Variants in BCL11A observed in about 807,000 individuals in gnomAD.
BCL11A encodes BCL11 transcription factor A.
In BCL11A, 2 loss-of-function variants were observed where a neutral mutation model predicts 55.9. The ratio of observed to expected loss-of-function variants is 0.04; its 90% confidence interval spans 0.01 to 0.11. BCL11A has a LOEUF of 0.11. Ranked by LOEUF, BCL11A falls within the 10% of genes least tolerant of loss-of-function variation. The probability of loss-of-function intolerance (pLI) is 1.00; values close to 1 mark genes in which losing one functional copy is unlikely to be tolerated. For synonymous variants in BCL11A, 465 were observed against 473.4 expected (o/e 0.98, Z 0.23); for missense variants, 817 against 1,137.1 (o/e 0.72, Z 4.05).
At chr2:60,478,542 C>G (rs1316520732) in intron 2 of BCL11A, among the ~76,000 whole-genome samples, 2 of 152,188 alleles carry the variant, frequency 1.3e-5, no homozygotes, top group Non-Finnish European at 2.9e-5. Context: ...CAGTCTTGGC[C>G]AAGAGATTCT....
chr2:60,498,235 C>T lies in BCL11A; in HGVS notation c.386-29402G>A, dbSNP rs1445139199. On this transcript the variant is annotated intron_variant, in intron 2 of 3. Coordinates refer to ENST00000642384, the MANE Select transcript of BCL11A (RefSeq NM_022893.4). ...AGCAGCCCTGGGCACAGAAGTGGTG[C>T]GTGGAGATAATGCCAACAGTGATAA... Among the ~76,000 whole-genome samples, 3 of 151,668 alleles carry T rather than the reference C, an allele frequency of 2.0e-5. No individual in the cohort carries two copies. In the East Asian group the frequency reaches 5.8e-4, roughly 29 times the overall value.
chr2:60,543,615 A>T (rs990957499), intron 2 of BCL11A: 5 of 152,238 alleles, frequency 3.3e-5, no homozygotes, highest in Non-Finnish European at 5.9e-5. Flanking sequence ...TTAATTCATT[A>T]CTGTGAATTA....
chr2:60,452,905 C>T, downstream of BCL11A: 1 of 451,788 alleles, frequency 2.2e-6, no homozygotes, highest in Non-Finnish European at 4.0e-6. Context: ...GACCCAGGTC[C>T]CCCCACCCCT....
At chr2:60,467,348 ATGG>A (rs1237699621) in intron 3 of BCL11A, among the ~76,000 whole-genome samples, 1 of 25,794 alleles carries the variant, frequency 3.9e-5, no homozygotes, top group Non-Finnish European at 8.3e-5. Flanking sequence ...GGTGGTGGTA[ATGG>A]TGGTGGTGGT....
At chr2:60,525,280 T>C (rs1669155464) in intron 2 of BCL11A, 1 of 152,192 alleles carries the variant, frequency 6.6e-6, no homozygotes, top group South Asian at 2.1e-4. Flanking sequence ...TTGGAGAAAA[T>C]ACACATTACA....
intron 2 of BCL11A, among the ~76,000 whole-genome samples, chr2:60,501,430 G>C (rs552540562): frequency 1.3e-5 from 2 of 151,722 alleles, no homozygotes; most frequent in Non-Finnish European, 2.9e-5. Flanking sequence ...ACTTTACCTG[G>C]TTTGTAAGTT....
chr2:60,461,359 C>A lies in BCL11A; in HGVS notation c.1553G>T (p.Ser518Ile). The change falls in exon 4 of 4, where the codon AGC becomes ATC. Residue 518 changes from serine (S) to isoleucine (I), a missense_variant. By Grantham distance (142) the Ser-to-Ile change is moderately radical. Coordinates refer to ENST00000642384, the MANE Select transcript of BCL11A (RefSeq NM_022893.4). ...SERVDYGFGL[S>I]LEAARHHENS... ...CTCGTGGTGGCGCGCCGCCTCCAGG[C>A]TCAGCCCGAAGCCGTAGTCCACCCT... is the stretch of plus-strand genomic sequence containing the variant. 1 of 1,605,360 alleles carries A rather than the reference C, an allele frequency of 6.2e-7. No individual in the cohort carries two copies.
At chr2:60,454,353 A>T (rs949790606), downstream of BCL11A, among the ~76,000 whole-genome samples, 3 of 152,202 alleles carry the variant, frequency 2.0e-5, no homozygotes, top group African/African-American at 7.2e-5. Flanking sequence ...CATGCCTTTT[A>T]AAAGTTAGCA....
At chr2:60,482,370 G>C (rs1244914428) in intron 2 of BCL11A, among the ~76,000 whole-genome samples, 1 of 152,142 alleles carries the variant, frequency 6.6e-6, no homozygotes, top group Non-Finnish European at 1.5e-5. Context: ...CTGGAGAAAA[G>C]TGAGAAATGG....
Position 60,501,837 on chromosome 2 carries a change from T to C in BCL11A, c.386-33004A>G, listed in dbSNP as rs573420965. 1.6e-3 allele frequency among the ~76,000 whole-genome samples: 238 copies of C among 152,318 alleles called. 1 individual carries two copies. Among genetic ancestry groups the C allele is most frequent in the Non-Finnish European group, 2.6e-3 (175 of 68,038 alleles). ...TGCTTTCTTAATTACAGCAGTGTGC[T>C]CATCTCACATAAAAATTTAAGACGG... On this transcript the variant is annotated intron_variant, in intron 2 of 3. Transcript: ENST00000642384.
In BCL11A at chr2:60,546,465, G is replaced by A; in HGVS notation, c.56-165C>T. 3.1e-6 allele frequency: 2 copies of A among 649,684 alleles called. No homozygotes were observed. The highest frequency in any genetic ancestry group is 5.2e-6 in the Non-Finnish European group (2 of 383,486). 40.2% of individuals were successfully genotyped at this position (649,684 alleles called of 1,614,324 possible). Reference sequence around the variant, plus strand: ...GAGCATACAAAAAGTACAAGGATGTGAAGGTTATCAACCAGAGAGCAAATT... The same window carrying A: ...GAGCATACAAAAAGTACAAGGATGTAAAGGTTATCAACCAGAGAGCAAATT... On this transcript the variant is annotated intron_variant, in intron 1 of 3. Coordinates refer to ENST00000642384, the MANE Select transcript of BCL11A (RefSeq NM_022893.4). This position sits in a 1 kb window ranked among gnomAD's most constrained non-coding sequence, Gnocchi z 4.1.
At position 60,460,691 on chromosome 2, in the gene BCL11A, T is replaced by A. The variant is rs1252607863; in HGVS notation, c.2221A>T (p.Ser741Cys). ...TTCCCACAGTACTCACAAGTGTCGCTGCGTCTGCCCTCTTTTGAGCTGGGC... is the reference window on the plus strand; with the variant it reads ...TTCCCACAGTACTCACAAGTGTCGCAGCGTCTGCCCTCTTTTGAGCTGGGC... ...GRPSSKEGRRSDTCEYCGKVF... is the reference protein window; with the variant it reads ...GRPSSKEGRRCDTCEYCGKVF... The change falls in exon 4 of 4, where the codon AGC becomes TGC. Residue 741 changes from serine to cysteine, a missense_variant. Around this residue, in one of 4 missense-constraint regions of BCL11A, gnomAD observed 379 missense variants for 425.3 expected, o/e 0.89. Coordinates refer to ENST00000642384, the MANE Select transcript of BCL11A (RefSeq NM_022893.4). The A allele has an allele frequency of 5.0e-6, 8 of 1,614,068 alleles. No individual in the cohort carries two copies.
intron 2 of BCL11A, among the ~76,000 whole-genome samples, chr2:60,508,367 C>T (rs1679765047): frequency 6.6e-6 from 1 of 152,178 alleles, no homozygotes; most frequent in Non-Finnish European, 1.5e-5. Context: ...ACACTCCCTG[C>T]AGGGGCCACA....
At chr2:60,468,646 T>TC in intron 3 of BCL11A, 86 bp downstream of exon 3, 1 of 966,092 alleles carries the variant, frequency 1.0e-6, no homozygotes, top group South Asian at 1.4e-5. Context: ...AGTAACTCCT[T>TC]CAGTACTTAA....
At chr2:60,514,912 G>A (rs186819552) in intron 2 of BCL11A, among the ~76,000 whole-genome samples, 8 of 150,578 alleles carry the variant, frequency 5.3e-5, no homozygotes, top group East Asian at 1.9e-4. Flanking sequence ...GAGAGAGAGA[G>A]AATCACCTTT....
intron 2 of BCL11A, among the ~76,000 whole-genome samples, chr2:60,520,550 A>C (rs764151038): frequency 5.3e-4 from 80 of 152,230 alleles, no homozygotes; most frequent in Non-Finnish European, 8.8e-4. Context: ...AAGAAGGAGA[A>C]ATTATCCTCA....
intron 3 of BCL11A, among the ~76,000 whole-genome samples, chr2:60,467,132 GTGGTGTTGGTGGTGA>G (rs1676686340): frequency 7.1e-6 from 1 of 140,296 alleles, no homozygotes; most frequent in East Asian, 2.1e-4. Context: ...GGTGGTGATG[GTGGTGTTGGTGGTGA>G]TGGTGGTGGT....
chr2:60,542,179 T>A (rs373160499), intron 2 of BCL11A: 4 of 308,528 alleles, frequency 1.3e-5, no homozygotes, highest in African/African-American at 8.6e-5. Context: ...AAATGTTATA[T>A]ATCAACAGGA....
In BCL11A at chr2:60,469,061, T is replaced by G. The variant is rs554701452; in HGVS notation, c.386-228A>C. ...TTTTTGACAAAAGTGAAAGGGTTTG[T>G]TTTAGGAAAGGGGAGAGGTGGTCTT... is the stretch of plus-strand genomic sequence containing the variant. On this transcript the variant is annotated intron_variant, in intron 2 of 3. Transcript: ENST00000642384. Among the ~76,000 whole-genome samples the G allele has an allele frequency of 1.2e-4, 19 of 152,340 alleles. No individual in the cohort carries two copies. The South Asian group carries it at 1.4e-3, about 12-fold the overall frequency.
Sources: gnomAD v4.1 joint callset for allele counts (sites outside exome capture counted in the v4.1 genomes callset) on GRCh38, gnomAD v4.1.1 for gene constraint, gnomAD v4.1.1 regional missense constraint, Gnocchi (gnomAD v3.1) non-coding constraint, MANE v1.5 for transcripts, NCBI Gene and HGNC (gene_info 2026-07-23, HGNC 2026-07-21) for gene names.